ARHGEF10L: variants seen among roughly 807,000 people sequenced by gnomAD.
ARHGEF10L encodes rho guanine nucleotide exchange factor 10-like protein.
A neutral mutation model predicts 141.2 loss-of-function variants in ARHGEF10L; 69 were observed. The observed-to-expected ratio is 0.49, with a 90% CI of 0.40 to 0.60. ARHGEF10L has a LOEUF of 0.60. ARHGEF10L is among the 20% of genes least tolerant of loss of function. The pLI, the probability that ARHGEF10L is intolerant of heterozygous loss-of-function variation, is 0.00. For missense variants in ARHGEF10L, 1,482 were observed against 1,734.3 expected (o/e 0.85, Z 2.58); for synonymous variants, 711 against 718.5 (o/e 0.99, Z 0.17).
chr1:17,690,354 G>C (rs1031222313), intron 27 of ARHGEF10L, among the ~76,000 whole-genome samples: 1 of 152,330 alleles, frequency 6.6e-6, no homozygotes, highest in Admixed American at 6.5e-5. Flanking sequence ...TCCCTACCCC[G>C]CAGGGCAGGT....
At chr1:17,534,610 GA>G in the ARHGEF10L span, among the ~76,000 whole-genome samples, 1 of 142,720 alleles carries the variant, frequency 7.0e-6, no homozygotes, top group African/African-American at 2.7e-5. Flanking sequence ...TTTTTTTTGA[GA>G]AGGAGTCTTG....
intron 18 of ARHGEF10L, among the ~76,000 whole-genome samples, chr1:17,636,399 A>T (rs1437728803): frequency 2.0e-5 from 3 of 152,208 alleles, no homozygotes; most frequent in African/African-American, 7.2e-5. Context: ...AACCAACACC[A>T]AATCACAAAT....
Position 17,603,668 on chromosome 1 carries a change from T to C in ARHGEF10L, c.433+77T>C. On this transcript the variant is annotated intron_variant, in intron 6 of 28. Coordinates refer to ENST00000361221, the MANE Select transcript of ARHGEF10L (RefSeq NM_018125.4). This position sits in a 1 kb window ranked among gnomAD's most constrained non-coding sequence, Gnocchi z 4.8. Reference sequence around the variant, plus strand: ...CTGGGACTGGGGAGGGTTGTCTCTTTCCGTTTCCTTCTGTCCCCACCTGGC... The same window carrying C: ...CTGGGACTGGGGAGGGTTGTCTCTTCCCGTTTCCTTCTGTCCCCACCTGGC... The C allele has an allele frequency of 7.5e-7, 1 of 1,338,098 alleles. No individual in the cohort carries two copies. The highest frequency in any genetic ancestry group is 2.7e-5 in the East Asian group (1 of 36,544). The allele number at this position is 1,338,098 out of a possible 1,614,324, so 82.9% of individuals were successfully genotyped here. A position where few individuals can be genotyped will look rare whatever the true frequency, so the allele number is the denominator to read the frequency against.
chr1:17,524,209 GT>G, the ARHGEF10L span, among the ~76,000 whole-genome samples: 1 of 151,966 alleles, frequency 6.6e-6, no homozygotes, highest in Non-Finnish European at 1.5e-5. Flanking sequence ...GGAGGTGGAG[GT>G]TGCAGTGAGC....
At chr1:17,518,851 T>A in the ARHGEF10L span, among the ~76,000 whole-genome samples, 1 of 137,060 alleles carries the variant, frequency 7.3e-6, no homozygotes, top group Non-Finnish European at 1.6e-5. Flanking sequence ...GAAGAAGAAC[T>A]CAGTGTGCTG....
At chr1:17,578,417 G>A (rs1423460020) in intron 1 of ARHGEF10L, among the ~76,000 whole-genome samples, 1 of 152,238 alleles carries the variant, frequency 6.6e-6, no homozygotes, top group African/African-American at 2.4e-5. Flanking sequence ...AGGTGTCAGG[G>A]TTCACATCTG....
At chr1:17,689,558 TCTTCCCTCCCTCCCTC>T (rs745834818) in intron 27 of ARHGEF10L, among the ~76,000 whole-genome samples, 343 of 1,650 alleles carry the variant, frequency 0.21, 11 homozygotes, top group South Asian at 0.25. Context: ...CTCCCTCTCT[TCTTCCCTCCCTCCCTC>T]CTTCCCTCCC....
At chr1:17,688,198 A>C (rs182298050) in intron 27 of ARHGEF10L, among the ~76,000 whole-genome samples, 2 of 152,114 alleles carry the variant, frequency 1.3e-5, no homozygotes, top group African/African-American at 4.8e-5. Context: ...AGAAAGGCAA[A>C]TTCCCCTCTT....
chr1:17,527,285 A>T, the ARHGEF10L span, among the ~76,000 whole-genome samples: 17 of 152,230 alleles, frequency 1.1e-4, no homozygotes, highest in African/African-American at 3.9e-4. Context: ...ATCAGAATTC[A>T]TGTGGTCGGA....
intron 21 of ARHGEF10L, among the ~76,000 whole-genome samples, chr1:17,640,503 C>T (rs2061269773): frequency 6.6e-6 from 1 of 152,102 alleles, no homozygotes. Context: ...AGTCACTTCC[C>T]CTCTCTGAGC....
intron 1 of ARHGEF10L, among the ~76,000 whole-genome samples, chr1:17,579,246 C>G (rs1053515453): frequency 5.9e-5 from 9 of 152,090 alleles, no homozygotes; most frequent in Non-Finnish European, 1.0e-4. Context: ...GTCTCGAACT[C>G]CTGACCTGAA....
chr1:17,531,054 T>C, the ARHGEF10L span, among the ~76,000 whole-genome samples: 1 of 151,964 alleles, frequency 6.6e-6, no homozygotes, highest in Non-Finnish European at 1.5e-5. Context: ...AAGGCAGCCA[T>C]CCTACAGAGT....
chr1:17,697,347 C>G lies in ARHGEF10L; in HGVS notation c.3807C>G (p.Thr1269=). ...CCCCGTGTGGGGAGACGGACAGCAC[C>G]CTCCTCATCTGGCAGGTGCCCTTGA... ...RQAPCGETDS[T]LLIWQVPLML The change falls in exon 29 of 29, where the codon ACC becomes ACG. Residue 1269 remains threonine (T), a synonymous_variant. Coordinates refer to ENST00000361221, the MANE Select transcript of ARHGEF10L (RefSeq NM_018125.4). This position sits in a 1 kb window ranked among gnomAD's most constrained non-coding sequence, Gnocchi z 4.8. 1 of 1,604,200 alleles carries G rather than the reference C, an allele frequency of 6.2e-7. No individual in the cohort carries two copies. The highest frequency in any genetic ancestry group is 1.1e-5 in the South Asian group (1 of 90,412).
At chr1:17,685,095 G>A (rs147687977) in intron 26 of ARHGEF10L, among the ~76,000 whole-genome samples, 14 of 152,268 alleles carry the variant, frequency 9.2e-5, no homozygotes, top group East Asian at 7.7e-4. Flanking sequence ...AGGAGCTGGG[G>A]CCATCCTCCA....
At chr1:17,554,158 A>G (rs565733132) in intron 1 of ARHGEF10L, among the ~76,000 whole-genome samples, 1 of 152,092 alleles carries the variant, frequency 6.6e-6, no homozygotes, top group Non-Finnish European at 1.5e-5. Context: ...GCAAAAATCC[A>G]CCCAGTTCAT....
chr1:17,695,411 T>G, intron 28 of ARHGEF10L, 131 bp downstream of exon 28: 1 of 1,300,870 alleles, frequency 7.7e-7, no homozygotes, highest in African/African-American at 1.5e-5. Context: ...CTTCCTCTCA[T>G]CTCAGGTGGC....
chr1:17,650,276 G>T (rs1224559582), intron 22 of ARHGEF10L, among the ~76,000 whole-genome samples: 4 of 151,604 alleles, frequency 2.6e-5, no homozygotes, highest in Admixed American at 6.6e-5. Flanking sequence ...AATTAGCCAG[G>T]TGTGCCATGA....
chr1:17,607,781 C>T lies in ARHGEF10L; in HGVS notation c.434-21C>T, dbSNP rs866363094. The T allele has an allele frequency of 1.0e-5, 16 of 1,537,984 alleles. No homozygotes were observed. The highest frequency in any genetic ancestry group is 2.0e-5 in the Admixed American group (1 of 50,022). ...GCTTGGCCTCAGGGCCTGGGCTCAC[C>T]GGCTGCCGCTTGGCCAGCAGGGGCA... On this transcript the variant is annotated intron_variant, in intron 6 of 28. Coordinates refer to ENST00000361221, the MANE Select transcript of ARHGEF10L (RefSeq NM_018125.4). The surrounding 1 kb of genome is among the most constrained non-coding windows in gnomAD (Gnocchi z 4.5).
chr1:17,547,735 C>T (rs1018961544), intron 1 of ARHGEF10L, among the ~76,000 whole-genome samples: 6 of 152,164 alleles, frequency 3.9e-5, no homozygotes, highest in Admixed American at 6.5e-5. Context: ...ATACATGTAT[C>T]GCATGACCAC....
Sources: gnomAD v4.1 joint callset for allele counts (sites outside exome capture counted in the v4.1 genomes callset) on GRCh38, gnomAD v4.1.1 for gene constraint, Gnocchi (gnomAD v3.1) non-coding constraint, MANE v1.5 for transcripts, NCBI Gene and HGNC (gene_info 2026-07-23, HGNC 2026-07-21) for gene names.